HPF1: variants seen among roughly 807,000 people sequenced by gnomAD.
HPF1 encodes the protein histone PARylation factor 1, also known as UPF0609 protein C4orf27.
HPF1 carries 35 observed loss-of-function variants against 38.8 expected under a neutral mutation model. That is an observed-to-expected ratio of 0.90 (90% CI 0.69 to 1.19). The LOEUF (loss-of-function observed/expected upper bound fraction) is 1.19. Among genes scored for constraint, HPF1 ranks in the 50% most tolerant of loss-of-function variants. The probability of loss-of-function intolerance (pLI) is 0.00; values close to 1 mark genes in which losing one functional copy is unlikely to be tolerated. For missense variants in HPF1, 367 were observed against 405.8 expected (o/e 0.90, Z 0.82); for synonymous variants, 115 against 139.2 (o/e 0.83, Z 1.22).
chr4:169,747,533 C>T (rs991006931), intron 4 of HPF1, among the ~76,000 whole-genome samples: 1 of 152,132 alleles, frequency 6.6e-6, no homozygotes, highest in Non-Finnish European at 1.5e-5. Flanking sequence ...AGATAATCTA[C>T]TTGTATTTGA....
intron 2 of HPF1, among the ~76,000 whole-genome samples, chr4:169,752,752 TTTTC>T (rs1277497780): frequency 3.3e-5 from 5 of 152,210 alleles, no homozygotes; most frequent in African/African-American, 1.2e-4. Context: ...ATTTCCCATT[TTTTC>T]TTTAAGTAAA....
In HPF1 at chr4:169,731,834, C is replaced by T; in HGVS notation, c.779G>A (p.Ser260Asn). The T allele has an allele frequency of 6.2e-7, 1 of 1,613,630 alleles. No homozygotes were observed. The highest frequency in any genetic ancestry group is 8.5e-7 in the Non-Finnish European group (1 of 1,179,684). Residue 260 changes from serine to asparagine, a missense_variant, in exon 7 of 8, where the codon AGT (serine) becomes AAT (asparagine). Coordinates refer to ENST00000393381, the MANE Select transcript of HPF1 (RefSeq NM_017867.3). ...AAAAGCTTTTAGTCTCTCCTCATCA[C>T]TTGCAGCCTCAACTATTGTCTTGCA... ...RICKTIVEAA[S>N]DEERLKAFAP...
At chr4:169,753,105 C>T (rs1734141204) in intron 2 of HPF1, among the ~76,000 whole-genome samples, 1 of 144,828 alleles carries the variant, frequency 6.9e-6, no homozygotes, top group Non-Finnish European at 1.5e-5. Flanking sequence ...ACAATCTCGA[C>T]TCACTGCAGC....
chr4:169,736,377 G>A (rs2173828), intron 6 of HPF1, among the ~76,000 whole-genome samples: 115,985 of 131,804 alleles, frequency 0.88, 50,731 homozygotes, highest in East Asian at 0.99. Context: ...AAAAAAAAAA[G>A]AAGTAAAAAA....
intron 1 of HPF1, 132 bp from the exon 2 acceptor site, chr4:169,753,967 G>T: frequency 1.5e-6 from 1 of 683,066 alleles, no homozygotes; most frequent in Non-Finnish European, 2.4e-6. Flanking sequence ...AATGGTCTTT[G>T]AGTAAAATCT....
At chr4:169,744,541 G>A (rs1194895825) in intron 4 of HPF1, among the ~76,000 whole-genome samples, 1 of 152,184 alleles carries the variant, frequency 6.6e-6, no homozygotes, top group Non-Finnish European at 1.5e-5. Flanking sequence ...TTGTACCCAT[G>A]CATGTTATAT....
At chr4:169,753,942 C>T in intron 1 of HPF1, 107 bp from the exon 2 acceptor site, 1 of 836,516 alleles carries the variant, frequency 1.2e-6, no homozygotes, top group Non-Finnish European at 1.9e-6. Flanking sequence ...CATGTGTTTT[C>T]CTTAAAACTC....
At chr4:169,753,881 C>A (rs754254172) in intron 1 of HPF1, 46 bp from the exon 2 acceptor site, 2 of 1,481,738 alleles carry the variant, frequency 1.3e-6, no homozygotes, top group East Asian at 2.3e-5. Context: ...TTCAGTAACT[C>A]TCCTTGCATA....
At chr4:169,756,213 T>C (rs962343969) in intron 1 of HPF1, among the ~76,000 whole-genome samples, 2 of 152,210 alleles carry the variant, frequency 1.3e-5, no homozygotes, top group African/African-American at 4.8e-5. Context: ...ATGCACTAGA[T>C]ACCATTAACC....
intron 1 of HPF1, among the ~76,000 whole-genome samples, chr4:169,755,955 G>T (rs1299654150): frequency 6.6e-6 from 1 of 152,124 alleles, no homozygotes; most frequent in Non-Finnish European, 1.5e-5. Context: ...AGACGATCAT[G>T]AATATGGTAA....
chr4:169,748,517 T>A (rs773779258), intron 4 of HPF1, among the ~76,000 whole-genome samples: 1 of 152,056 alleles, frequency 6.6e-6, no homozygotes, highest in African/African-American at 2.4e-5. Context: ...ATTACAGGTG[T>A]GTGCCACCAT....
At chr4:169,755,531 G>T (rs1734177667) in intron 1 of HPF1, among the ~76,000 whole-genome samples, 1 of 152,118 alleles carries the variant, frequency 6.6e-6, no homozygotes, top group Non-Finnish European at 1.5e-5. Context: ...TAATGAGATG[G>T]TTTGTTTTCT....
intron 4 of HPF1, 101 bp downstream of exon 4, chr4:169,748,643 A>G (rs2150292632): frequency 1.7e-6 from 1 of 576,812 alleles, no homozygotes; most frequent in East Asian, 3.3e-5. Flanking sequence ...AAGTGCTGGA[A>G]TTACAGGTGT....
At chr4:169,749,184 A>C (rs907632619) in intron 3 of HPF1, among the ~76,000 whole-genome samples, 6 of 152,190 alleles carry the variant, frequency 3.9e-5, no homozygotes, top group African/African-American at 1.4e-4. Flanking sequence ...TACATACTGC[A>C]TGTTAAAAAA....
rs1189433112 is a variant in HPF1, at chr4:169,753,791, A to T, written c.93T>A (p.Ala31=). Residue 31 remains alanine (A), a synonymous_variant, in exon 2 of 8, where the codon GCT becomes GCA. Transcript: ENST00000393381. The stretch of plus-strand genomic sequence containing the variant: ...CTTTTCGAAGGTCACTGGAGACATC[A>T]GCTTCACAGAATTTACTTTTCTTCA... The part of the protein sequence containing the change: ...TDVKKSKFCE[A]DVSSDLRKEV... 2 of 1,611,680 alleles carry T rather than the reference A, an allele frequency of 1.2e-6. No homozygotes were observed. Among genetic ancestry groups the T allele is most frequent in the Admixed American group, 1.7e-5 (1 of 59,432 alleles).
intron 5 of HPF1, among the ~76,000 whole-genome samples, chr4:169,739,473 T>C (rs1420678469): frequency 2.0e-5 from 3 of 151,984 alleles, no homozygotes; most frequent in Non-Finnish European, 4.4e-5. Context: ...TAACGTCCTT[T>C]ATAATTAAAG....
chr4:169,729,650 A>T lies in HPF1; in HGVS notation c.969T>A (p.Asn323Lys). 2.5e-6 allele frequency: 4 copies of T among 1,590,456 alleles called. No homozygotes were observed. The highest frequency in any genetic ancestry group is 2.6e-6 in the Non-Finnish European group (3 of 1,170,340). Residue 323 changes from asparagine to lysine, a missense_variant, in exon 8 of 8, where the codon AAT becomes AAA. By Grantham distance (94) the Asn-to-Lys change is moderately conservative. Transcript: ENST00000393381. The part of the protein sequence containing the change: ...LPLAYNLLKR[N>K]LFAEIIEEHL... Reference sequence around the variant, plus strand: ...GCTCCTCAATAATTTCTGCAAACAGATTCCTCTTCAACAGATTATATGCAA... The same window carrying T: ...GCTCCTCAATAATTTCTGCAAACAGTTTCCTCTTCAACAGATTATATGCAA...
intron 7 of HPF1, 127 bp downstream of exon 7, chr4:169,731,577 G>A: frequency 1.6e-6 from 1 of 634,888 alleles, no homozygotes; most frequent in Non-Finnish European, 2.5e-6. Context: ...AATACAAGCT[G>A]AATCCCTGTC....
intron 6 of HPF1, among the ~76,000 whole-genome samples, chr4:169,732,961 G>A (rs1020571887): frequency 2.0e-5 from 3 of 152,126 alleles, no homozygotes; most frequent in Admixed American, 6.5e-5. Flanking sequence ...GGTATCCTTC[G>A]AGGTCCTGAT....
Sources: gnomAD v4.1 joint callset for allele counts (sites outside exome capture counted in the v4.1 genomes callset) on GRCh38, gnomAD v4.1.1 for gene constraint, MANE v1.5 for transcripts, NCBI Gene and HGNC (gene_info 2026-07-23, HGNC 2026-07-21) for gene names.